The following LRRC38 variants were observed in gnomAD, a reference collection of about 807,000 sequenced individuals.
The protein encoded by LRRC38 is leucine rich repeat containing 38.
LRRC38 carries 5 observed loss-of-function variants against 16.4 expected under a neutral mutation model. That is an observed-to-expected ratio of 0.31 (90% confidence interval 0.16 to 0.64). LRRC38 has a LOEUF of 0.64. Among genes scored for constraint, LRRC38 ranks in the 30% least tolerant of loss-of-function variants. The pLI is 0.80. For missense variants in LRRC38, 341 were observed against 401.8 expected (o/e 0.85, Z 1.29); for synonymous variants, 191 against 190.2 (o/e 1.00, Z -0.04).
At chr1:13,500,314 T>C (rs1001311649) in intron 1 of LRRC38, among the ~76,000 whole-genome samples, 1 of 151,394 alleles carries the variant, frequency 6.6e-6, no homozygotes. Context: ...CATACCTCCC[T>C]CACAATTTGC....
At position 13,505,778 on chromosome 1, in the gene LRRC38, A is replaced by G. The variant is rs374966898; in HGVS notation, c.631+7185T>C. Among the ~76,000 whole-genome samples, 4 of 152,240 alleles carry G rather than the reference A, an allele frequency of 2.6e-5. No individual in the cohort carries two copies. In the East Asian group the frequency reaches 7.7e-4, roughly 29 times the overall value. ...TTGATGGAAGACCTGGTGATGAGGA[A>G]GATCGGGGTCGGGGGAGGTGTCCTT... is the stretch of plus-strand genomic sequence containing the variant. On this transcript the variant is annotated intron_variant, in intron 1 of 1. Transcript: ENST00000376085.
chr1:13,504,219 A>G lies in LRRC38; in HGVS notation c.631+8744T>C, dbSNP rs578016466. The stretch of plus-strand genomic sequence containing the variant: ...CACTTGAGGTCAAAGGAGAGATGCT[A>G]TCACCTACATTTGACCGGGGACACT... On this transcript the variant is annotated intron_variant, in intron 1 of 1. Transcript: ENST00000376085. 7.2e-5 allele frequency among the ~76,000 whole-genome samples: 10 copies of G among 138,618 alleles called. No homozygotes were observed. In the East Asian group the frequency reaches 2.8e-3, roughly 39 times the overall value. 90.9% of individuals were successfully genotyped at this position (138,618 alleles called of 152,430 possible).
At chr1:13,484,062 C>G (rs1360737535) in intron 1 of LRRC38, among the ~76,000 whole-genome samples, 3 of 152,120 alleles carry the variant, frequency 2.0e-5, no homozygotes, top group African/African-American at 4.8e-5. Context: ...CCCCATCTCT[C>G]TTAAAATGAA....
chr1:13,499,457 T>C (rs1639121123), intron 1 of LRRC38, among the ~76,000 whole-genome samples: 1 of 152,234 alleles, frequency 6.6e-6, no homozygotes, highest in African/African-American at 2.4e-5. Context: ...AAGACTTCCA[T>C]GTGTGAACTT....
At chr1:13,497,962 C>CAAAAAAAAAAAA (rs370605050) in intron 1 of LRRC38, among the ~76,000 whole-genome samples, 1 of 69,020 alleles carries the variant, frequency 1.4e-5, no homozygotes, top group African/African-American at 5.6e-5. Context: ...AACTCCATCA[C>CAAAAAAAAAAAA]AAAAAAAAAA....
At chr1:13,499,515 G>T (rs1639121707) in intron 1 of LRRC38, among the ~76,000 whole-genome samples, 1 of 152,192 alleles carries the variant, frequency 6.6e-6, no homozygotes, top group Non-Finnish European at 1.5e-5. Flanking sequence ...CTTTTCCATT[G>T]CTCCTTGCTC....
At chr1:13,479,133 G>A (rs1638822282) in intron 1 of LRRC38, among the ~76,000 whole-genome samples, 3 of 151,650 alleles carry the variant, frequency 2.0e-5, no homozygotes, top group East Asian at 3.9e-4. Context: ...AAAAATAGGA[G>A]CACTTTAAAA....
intron 1 of LRRC38, among the ~76,000 whole-genome samples, chr1:13,496,074 C>A (rs1639076364): frequency 6.6e-6 from 1 of 152,152 alleles, no homozygotes; most frequent in African/African-American, 2.4e-5. Context: ...AACCTTCCTA[C>A]TCTCTGAACA....
chr1:13,509,465 T>C (rs1477836319), intron 1 of LRRC38, among the ~76,000 whole-genome samples: 1 of 152,054 alleles, frequency 6.6e-6, no homozygotes, highest in Non-Finnish European at 1.5e-5. Context: ...GGCCTCGGTT[T>C]CTCAAACCCA....
intron 1 of LRRC38, among the ~76,000 whole-genome samples, chr1:13,498,073 T>C (rs1319556086): frequency 6.6e-6 from 1 of 151,500 alleles, no homozygotes; most frequent in Admixed American, 6.6e-5. Flanking sequence ...TGCTGGAACA[T>C]CTGAAATTAT....
In LRRC38 at chr1:13,475,915, C is replaced by T. The variant is rs1184402987; in HGVS notation, c.816G>A (p.Val272=). Residue 272 remains valine (V), a synonymous_variant, in exon 2 of 2, where the codon GTG becomes GTA. Transcript: ENST00000376085. This position sits in a 1 kb window ranked among gnomAD's most constrained non-coding sequence, Gnocchi z 4.3. ...AIISSFFLAT[V]VQCLQRCAPN... is the part of the protein sequence containing the mutation. ...GTGCGCACCTCTGGAGGCACTGCAC[C>T]ACAGTGGCCAGGAAGAAGCTGGAGA... 1 of 1,550,594 alleles carries T rather than the reference C, an allele frequency of 6.4e-7. No homozygotes were observed. The highest frequency in any genetic ancestry group is 8.7e-7 in the Non-Finnish European group (1 of 1,147,002).
At chr1:13,488,021 A>ATTGTGT (rs1168265607) in intron 1 of LRRC38, among the ~76,000 whole-genome samples, 1 of 113,242 alleles carries the variant, frequency 8.8e-6, no homozygotes, top group Non-Finnish European at 1.9e-5. Flanking sequence ...CCTTTTCTAG[A>ATTGTGT]TTGTGTGTGT....
At chr1:13,498,991 C>T (rs751108645) in intron 1 of LRRC38, among the ~76,000 whole-genome samples, 2 of 152,274 alleles carry the variant, frequency 1.3e-5, no homozygotes, top group Admixed American at 1.3e-4. Flanking sequence ...TTCATCTTCA[C>T]GTGGCCTTCT....
intron 1 of LRRC38, among the ~76,000 whole-genome samples, chr1:13,482,032 C>T (rs1288779137): frequency 2.6e-5 from 4 of 152,198 alleles, no homozygotes; most frequent in African/African-American, 4.8e-5. Flanking sequence ...TAAGACAGGC[C>T]TATTTTTAGT....
intron 1 of LRRC38, among the ~76,000 whole-genome samples, chr1:13,497,982 A>G (rs1639100911): frequency 1.4e-5 from 2 of 148,092 alleles, no homozygotes; most frequent in African/African-American, 5.0e-5. Flanking sequence ...AAAAAAAAAA[A>G]GAAACGACAT....
At chr1:13,512,927 CTCCCTCCCT>C in intron 1 of LRRC38, 27 bp downstream of exon 1, 3 of 1,333,530 alleles carry the variant, frequency 2.2e-6, no homozygotes, top group Non-Finnish European at 3.1e-6. Context: ...CCCTGCCCCC[CTCCCTCCCT>C]CCCCCAGCCT....
chr1:13,500,014 GC>G lies in LRRC38; in HGVS notation c.631+12948del, dbSNP rs145348512. ...GCCTGTAATCCCAGCACTTTGGGAG[GC>G]CGAGGCAGGCAGATCACCTGAGGGC... On this transcript the variant is annotated intron_variant, in intron 1 of 1. Coordinates refer to ENST00000376085, the MANE Select transcript of LRRC38 (RefSeq NM_001010847.2). Among the ~76,000 whole-genome samples, 463 of 152,228 alleles carry G rather than the reference GC, an allele frequency of 3.0e-3. 1 individual carries two copies. Among genetic ancestry groups the G allele is most frequent in the Non-Finnish European group, 3.8e-3 (260 of 68,026 alleles).
chr1:13,505,922 T>G (rs1569937680), intron 1 of LRRC38, among the ~76,000 whole-genome samples: 1 of 93,654 alleles, frequency 1.1e-5, no homozygotes, highest in African/African-American at 4.1e-5. Context: ...GGAGGAGAAG[T>G]GATAAGGAGG....
intron 1 of LRRC38, among the ~76,000 whole-genome samples, chr1:13,480,166 G>A (rs554355712): frequency 3.3e-5 from 5 of 152,118 alleles, no homozygotes; most frequent in South Asian, 2.1e-4. Flanking sequence ...CCAATATGGC[G>A]AAACCCCACC....
Sources: allele counts gnomAD v4.1 joint callset (sites outside exome capture counted in the v4.1 genomes callset), GRCh38; gene constraint gnomAD v4.1.1; non-coding constraint Gnocchi (gnomAD v3.1); transcripts MANE v1.5; gene names NCBI Gene and HGNC (gene_info 2026-07-23, HGNC 2026-07-21).